The following HOOK3 variants were observed in gnomAD, a reference collection of about 807,000 sequenced individuals.
The protein encoded by HOOK3 is hook microtubule tethering protein 3.
HOOK3 carries 24 observed loss-of-function variants against 116.3 expected under a neutral mutation model. That is an observed-to-expected ratio of 0.21 (90% CI 0.15 to 0.29). The LOEUF (loss-of-function observed/expected upper bound fraction) is 0.29. HOOK3 is among the 10% of genes least tolerant of loss of function. The pLI is 1.00. For synonymous variants in HOOK3, 275 were observed against 283.0 expected (o/e 0.97, Z 0.28); for missense variants, 632 against 830.2 (o/e 0.76, Z 2.93).
At chr8:43,010,905 A>G (rs1237988864) in intron 19 of HOOK3, among the ~76,000 whole-genome samples, 1 of 152,194 alleles carries the variant, frequency 6.6e-6, no homozygotes, top group Non-Finnish European at 1.5e-5. Context: ...GGGAGAGCAC[A>G]GGACCCATTC....
At position 42,896,982 on chromosome 8, in the gene HOOK3, C is replaced by A; in HGVS notation, c.-150C>A. 1 of 475,352 alleles carries A rather than the reference C, an allele frequency of 2.1e-6. No homozygotes were observed. The highest frequency in any genetic ancestry group is 3.4e-6 in the Non-Finnish European group (1 of 298,000). 29.4% of individuals were successfully genotyped at this position (475,352 alleles called of 1,614,324 possible). A position where few individuals can be genotyped will look rare whatever the true frequency, so the allele number is the denominator to read the frequency against. The stretch of plus-strand genomic sequence containing the variant: ...GGGCGCTGGGGGTGACGGTGCGGAG[C>A]CGCTGCCAGCGCTGGGCGAGAGTCG... On this transcript the variant is annotated 5_prime_UTR_variant, in exon 1 of 22. Coordinates refer to ENST00000307602, the MANE Select transcript of HOOK3 (RefSeq NM_032410.4).
intron 14 of HOOK3, among the ~76,000 whole-genome samples, chr8:42,984,203 A>G (rs1167328817): frequency 2.6e-5 from 4 of 151,756 alleles, no homozygotes; most frequent in Non-Finnish European, 5.9e-5. Context: ...CCCTGTCTCT[A>G]CTAAAAAGTA....
At chr8:42,958,531 T>C (rs546172946) in intron 7 of HOOK3, among the ~76,000 whole-genome samples, 40 of 152,138 alleles carry the variant, frequency 2.6e-4, no homozygotes, top group Non-Finnish European at 2.9e-4. Context: ...TATTTTTGTT[T>C]TCTTAATCTC....
At chr8:42,985,625 A>G (rs1235584431) in intron 14 of HOOK3, among the ~76,000 whole-genome samples, 3 of 152,068 alleles carry the variant, frequency 2.0e-5, no homozygotes, top group Non-Finnish European at 4.4e-5. Context: ...TGAAAAATAT[A>G]CGGTCCATGT....
chr8:42,906,087 C>CAA (rs35347216), intron 1 of HOOK3, 86 bp from the exon 2 acceptor site: 646 of 396,796 alleles, frequency 1.6e-3, no homozygotes, highest in Admixed American at 2.5e-3. Flanking sequence ...ACTCCGTCTC[C>CAA]AAAAAAAAAA....
intron 14 of HOOK3, among the ~76,000 whole-genome samples, chr8:42,982,920 A>G (rs1297287949): frequency 6.6e-6 from 1 of 152,204 alleles, no homozygotes; most frequent in Admixed American, 6.6e-5. Context: ...ACACATATAA[A>G]GCCAATTGTT....
Position 42,943,277 on chromosome 8 carries a change from T to C in HOOK3, c.268-36T>C, listed in dbSNP as rs1261158174. On this transcript the variant is annotated intron_variant, in intron 4 of 21. Transcript: ENST00000307602. ...TTTTTTTTTTTTTTGGTCATATAAA[T>C]GTAAATGCAATTATAATCCTTTTAT... The C allele has an allele frequency of 3.1e-6, 4 of 1,284,882 alleles. No individual in the cohort carries two copies. The Admixed American group carries it at 1.1e-4, about 37-fold the overall frequency. 79.6% of individuals were successfully genotyped at this position (1,284,882 alleles called of 1,614,324 possible).
chr8:43,014,069 C>T (rs983084676), intron 21 of HOOK3, among the ~76,000 whole-genome samples: 9 of 152,058 alleles, frequency 5.9e-5, no homozygotes, highest in East Asian at 1.9e-4. Context: ...GGGCGGATCA[C>T]GAGGTCAGAA....
At chr8:42,937,094 T>C (rs899065025) in intron 4 of HOOK3, among the ~76,000 whole-genome samples, 1 of 152,226 alleles carries the variant, frequency 6.6e-6, no homozygotes, top group African/African-American at 2.4e-5. Flanking sequence ...GGGATTTGAC[T>C]TCTTTCCTGG....
In HOOK3 at chr8:42,903,338, C is replaced by CTTTTTTTTTT. The variant is rs1164136399; in HGVS notation, c.58-2820_58-2811dup. On this transcript the variant is annotated intron_variant, in intron 1 of 21. Coordinates refer to ENST00000307602, the MANE Select transcript of HOOK3 (RefSeq NM_032410.4). The stretch of plus-strand genomic sequence containing the variant: ...TACTGACTGTACTGTTAATAGTTGT[C>CTTTTTTTTTT]TTTTTTTTTTTTTTTTTTTTTTTTG... Among the ~76,000 whole-genome samples the CTTTTTTTTTT allele has an allele frequency of 3.0e-4, 26 of 87,608 alleles. 1 individual carries two copies. The highest frequency in any genetic ancestry group is 1.0e-3 in the African/African-American group (21 of 21,094). 57.5% of individuals were successfully genotyped at this position (87,608 alleles called of 152,430 possible). A position where few individuals can be genotyped will look rare whatever the true frequency, so the allele number is the denominator to read the frequency against.
rs1030737897 is a variant in HOOK3 at position 42,963,744 on chromosome 8, A to G, written c.616-567A>G. 5.3e-5 allele frequency among the ~76,000 whole-genome samples: 8 copies of G among 152,188 alleles called. No homozygotes were observed. In the South Asian group the frequency reaches 6.2e-4, roughly 12 times the overall value. On this transcript the variant is annotated intron_variant, in intron 8 of 21. Transcript: ENST00000307602. The stretch of plus-strand genomic sequence containing the variant: ...TTTAATTTGCATTTCCTTGATAACT[A>G]ATGATTATTTATTAGTGTGCTTCTT...
At chr8:43,008,096 G>A (rs971396376) in intron 18 of HOOK3, among the ~76,000 whole-genome samples, 167 bp downstream of exon 18, 4 of 151,980 alleles carry the variant, frequency 2.6e-5, no homozygotes, top group African/African-American at 9.7e-5. Flanking sequence ...TTGGCTCACT[G>A]CAAGCTTTGC....
intron 7 of HOOK3, among the ~76,000 whole-genome samples, chr8:42,958,890 C>A (rs186807671): frequency 1.4e-4 from 22 of 152,040 alleles, no homozygotes; most frequent in Admixed American, 1.4e-3. Context: ...TCCCTATTCC[C>A]CTAGCACATA....
intron 17 of HOOK3, among the ~76,000 whole-genome samples, chr8:43,005,152 A>G (rs1042803834): frequency 1.3e-5 from 2 of 151,008 alleles, no homozygotes; most frequent in Non-Finnish European, 2.9e-5. Flanking sequence ...TGATTAATGT[A>G]TAAAATTTAA....
At chr8:42,999,913 G>C (rs958949530) in intron 16 of HOOK3, among the ~76,000 whole-genome samples, 1 of 152,216 alleles carries the variant, frequency 6.6e-6, no homozygotes, top group African/African-American at 2.4e-5. Context: ...TTGGGAGGCC[G>C]AGGCGGGCAG....
chr8:42,995,890 A>T (rs1305686770), intron 15 of HOOK3, among the ~76,000 whole-genome samples: 1 of 152,130 alleles, frequency 6.6e-6, no homozygotes, highest in Non-Finnish European at 1.5e-5. Flanking sequence ...TAATAATAAT[A>T]GCCTTCTCTC....
intron 1 of HOOK3, among the ~76,000 whole-genome samples, chr8:42,903,338 C>CTTTTTTTTTTTTTT (rs1164136399): frequency 3.4e-5 from 3 of 87,608 alleles, no homozygotes; most frequent in African/African-American, 1.4e-4. Flanking sequence ...TAATAGTTGT[C>CTTTTTTTTTTTTTT]TTTTTTTTTT....
intron 2 of HOOK3, among the ~76,000 whole-genome samples, chr8:42,916,636 C>T (rs947671379): frequency 1.3e-5 from 2 of 152,210 alleles, no homozygotes; most frequent in Admixed American, 6.5e-5. Flanking sequence ...AGTAGCTGTA[C>T]ATTAACCTAA....
chr8:42,946,768 T>G, intron 5 of HOOK3, among the ~76,000 whole-genome samples: 1 of 145,106 alleles, frequency 6.9e-6, no homozygotes. Context: ...TCTTTCTTTT[T>G]TTTTTTTTTT....
Sources: allele counts gnomAD v4.1 joint callset (sites outside exome capture counted in the v4.1 genomes callset), GRCh38; gene constraint gnomAD v4.1.1; transcripts MANE v1.5; gene names NCBI Gene and HGNC (gene_info 2026-07-23, HGNC 2026-07-21).